The following DNM3 variants were observed in gnomAD, a reference collection of about 807,000 sequenced individuals.
DNM3 encodes the protein dynamin 3.
DNM3 carries 47 observed loss-of-function variants against 101.6 expected under a neutral mutation model. That is an observed-to-expected ratio of 0.46 (90% CI 0.37 to 0.59). The LOEUF is 0.59. Ranked by LOEUF, DNM3 falls within the 20% of genes least tolerant of loss-of-function variation. The pLI, the probability that DNM3 is intolerant of heterozygous loss-of-function variation, is 0.00. For synonymous variants in DNM3, 385 were observed against 387.9 expected (o/e 0.99, Z 0.09); for missense variants, 849 against 1,085.7 (o/e 0.78, Z 3.06).
intron 1 of DNM3, among the ~76,000 whole-genome samples, chr1:171,847,527 G>T (rs1215860311): frequency 9.4e-6 from 1 of 106,406 alleles, no homozygotes; most frequent in Non-Finnish European, 1.9e-5. Flanking sequence ...CCCTAGAGAA[G>T]AGCAGCAAGG....
chr1:172,397,889 A>G (rs964368812), intron 20 of DNM3, among the ~76,000 whole-genome samples: 1 of 152,174 alleles, frequency 6.6e-6, no homozygotes, highest in Non-Finnish European at 1.5e-5. Context: ...AATTATTGCT[A>G]CTGAATTGTT....
intron 14 of DNM3, among the ~76,000 whole-genome samples, chr1:172,180,635 G>T (rs2059311370): frequency 6.6e-6 from 1 of 152,098 alleles, no homozygotes. Flanking sequence ...TGCAGGAATA[G>T]CATATGATTT....
intron 20 of DNM3, among the ~76,000 whole-genome samples, chr1:172,390,396 T>G (rs916439448): frequency 6.6e-6 from 1 of 152,232 alleles, no homozygotes; most frequent in South Asian, 2.1e-4. Flanking sequence ...TCCCATGCAG[T>G]CTGCTTCCAA....
At chr1:171,896,273 A>G (rs1469372441) in intron 1 of DNM3, among the ~76,000 whole-genome samples, 2 of 152,218 alleles carry the variant, frequency 1.3e-5, no homozygotes, top group African/African-American at 2.4e-5. Flanking sequence ...ATCCATGAGC[A>G]TGGAATGTTC....
intron 16 of DNM3, among the ~76,000 whole-genome samples, chr1:172,317,825 T>G (rs1208726637): frequency 6.6e-6 from 1 of 151,806 alleles, no homozygotes; most frequent in Non-Finnish European, 1.5e-5. Flanking sequence ...GAGGAACTGG[T>G]AGCATTCCTT....
At chr1:172,158,285 C>T (rs571500661) in intron 14 of DNM3, among the ~76,000 whole-genome samples, 1 of 151,930 alleles carries the variant, frequency 6.6e-6, no homozygotes, top group Non-Finnish European at 1.5e-5. Flanking sequence ...ATAACTGGGA[C>T]CTGCTTAAGA....
chr1:171,853,096 G>T (rs971241123), intron 1 of DNM3, among the ~76,000 whole-genome samples: 1 of 152,134 alleles, frequency 6.6e-6, no homozygotes, highest in African/African-American at 2.4e-5. Context: ...AAAGAAGCTG[G>T]ACTCTCTCCT....
intron 2 of DNM3, among the ~76,000 whole-genome samples, chr1:171,924,651 C>T (rs774845643): frequency 6.6e-5 from 10 of 152,156 alleles, no homozygotes; most frequent in Admixed American, 4.6e-4. Flanking sequence ...ATTACCTCCA[C>T]CTGGTCTCTC....
chr1:172,132,643 A>C (rs779879399), intron 14 of DNM3, among the ~76,000 whole-genome samples: 1 of 152,142 alleles, frequency 6.6e-6, no homozygotes, highest in Non-Finnish European at 1.5e-5. Context: ...AAGGATTTAG[A>C]TGATAATTTA....
intron 17 of DNM3, chr1:172,370,365 T>G (rs2068260194): frequency 6.6e-6 from 1 of 152,004 alleles, no homozygotes; most frequent in African/African-American, 2.4e-5. Flanking sequence ...CATTTTCTAC[T>G]ATATTTCCCT....
At chr1:171,896,454 G>A (rs544486724) in intron 1 of DNM3, among the ~76,000 whole-genome samples, 18 of 152,256 alleles carry the variant, frequency 1.2e-4, no homozygotes, top group African/African-American at 1.9e-4. Flanking sequence ...TATTATTGGT[G>A]TATAGGAATG....
At chr1:172,188,728 C>A (rs1197818730) in intron 14 of DNM3, among the ~76,000 whole-genome samples, 1 of 152,022 alleles carries the variant, frequency 6.6e-6, no homozygotes, top group Non-Finnish European at 1.5e-5. Flanking sequence ...TATGGTAAGA[C>A]TACGTTTAGT....
intron 14 of DNM3, among the ~76,000 whole-genome samples, chr1:172,200,973 G>A (rs1035174748): frequency 2.0e-5 from 3 of 151,998 alleles, no homozygotes; most frequent in African/African-American, 7.3e-5. Context: ...TTCTTGTGTT[G>A]GTTCTTTCCC....
intron 2 of DNM3, among the ~76,000 whole-genome samples, chr1:171,975,283 T>G (rs1053838609): frequency 3.1e-4 from 47 of 152,334 alleles, no homozygotes; most frequent in Non-Finnish European, 1.2e-4. Context: ...GCATTTTAGT[T>G]TTATATAACC....
At chr1:172,168,412 G>A (rs1345161758) in intron 14 of DNM3, among the ~76,000 whole-genome samples, 1 of 151,974 alleles carries the variant, frequency 6.6e-6, no homozygotes, top group African/African-American at 2.4e-5. Context: ...TCATAGCAGG[G>A]TGAATGCTTT....
chr1:172,055,084 A>G (rs1368876612), intron 10 of DNM3, among the ~76,000 whole-genome samples: 1 of 152,174 alleles, frequency 6.6e-6, no homozygotes, highest in East Asian at 1.9e-4. Context: ...CTGAATACAC[A>G]TAACTAAACA....
intron 15 of DNM3, among the ~76,000 whole-genome samples, chr1:172,271,062 AC>A (rs1459537758): frequency 2.0e-5 from 3 of 152,154 alleles, no homozygotes; most frequent in African/African-American, 7.2e-5. Flanking sequence ...CTCTATCATC[AC>A]TGTACTAAGG....
At chr1:171,848,801 G>A (rs1214263313) in intron 1 of DNM3, among the ~76,000 whole-genome samples, 1 of 152,164 alleles carries the variant, frequency 6.6e-6, no homozygotes, top group Non-Finnish European at 1.5e-5. Flanking sequence ...ATATTGCATT[G>A]TCTTTAGTGT....
At chr1:172,310,011 G>C (rs1027836580) in intron 16 of DNM3, 3 of 152,146 alleles carry the variant, frequency 2.0e-5, no homozygotes, top group African/African-American at 7.2e-5. Context: ...CCTCCAAATG[G>C]AAGTTAAACT....
Sources: allele counts gnomAD v4.1 joint callset (sites outside exome capture counted in the v4.1 genomes callset), GRCh38; gene constraint gnomAD v4.1.1; transcripts MANE v1.5; gene names NCBI Gene and HGNC (gene_info 2026-07-23, HGNC 2026-07-21).